The following PPFIBP2 variants were observed in gnomAD, a reference collection of about 807,000 sequenced individuals.
PPFIBP2 encodes the protein liprin-beta-2.
In PPFIBP2, 118 loss-of-function variants were observed where a neutral mutation model predicts 118.3. The observed-to-expected ratio is 1.00, with a 90% confidence interval of 0.86 to 1.16. The LOEUF (loss-of-function observed/expected upper bound fraction) is 1.16, where lower values mean the gene tolerates loss of function less well. Ranked by LOEUF, PPFIBP2 falls within the 50% of genes most tolerant of loss-of-function variation. PPFIBP2 has a pLI of 0.00. For synonymous variants in PPFIBP2, 414 were observed against 397.4 expected (o/e 1.04, Z -0.50); for missense variants, 1,195 against 1,073.1 (o/e 1.11, Z -1.59).
intron 3 of PPFIBP2, among the ~76,000 whole-genome samples, chr11:7,571,012 A>G (rs1855593426): frequency 6.6e-6 from 1 of 152,170 alleles, no homozygotes; most frequent in African/African-American, 2.4e-5. Context: ...GGAACCTCTC[A>G]GTTTACTGCT....
intron 3 of PPFIBP2, among the ~76,000 whole-genome samples, chr11:7,590,687 G>C (rs916651646): frequency 6.6e-6 from 1 of 152,214 alleles, no homozygotes; most frequent in Non-Finnish European, 1.5e-5. Flanking sequence ...AGCACAAGGT[G>C]CTTGCTGTGT....
intron 9 of PPFIBP2, among the ~76,000 whole-genome samples, chr11:7,629,126 C>T (rs1474681852): frequency 1.6e-4 from 24 of 152,032 alleles, no homozygotes; most frequent in Admixed American, 1.6e-3. Context: ...TTGTGTCGCT[C>T]CAGAGGGCAA....
At chr11:7,614,608 G>A (rs907716625) in intron 6 of PPFIBP2, among the ~76,000 whole-genome samples, 1 of 152,164 alleles carries the variant, frequency 6.6e-6, no homozygotes, top group African/African-American at 2.4e-5. Flanking sequence ...AGATATTGAT[G>A]TGGAATTTAT....
chr11:7,597,082 G>C, intron 4 of PPFIBP2: 1 of 1,160,496 alleles, frequency 8.6e-7, no homozygotes, highest in Non-Finnish European at 1.1e-6. Flanking sequence ...TTCCTTAATT[G>C]CATCAAAACA....
chr11:7,531,335 G>T (rs1850660051), intron 1 of PPFIBP2, among the ~76,000 whole-genome samples: 1 of 152,116 alleles, frequency 6.6e-6, no homozygotes, highest in Non-Finnish European at 1.5e-5. Flanking sequence ...AGATAGCTGG[G>T]CCCAGGGCTC....
At chr11:7,516,374 G>C (rs545474805) in intron 1 of PPFIBP2, among the ~76,000 whole-genome samples, 1 of 152,168 alleles carries the variant, frequency 6.6e-6, no homozygotes, top group Non-Finnish European at 1.5e-5. Context: ...ACTAGGGAAT[G>C]GGACAGTCTC....
chr11:7,561,760 A>G (rs562868124), intron 2 of PPFIBP2, among the ~76,000 whole-genome samples: 3 of 152,360 alleles, frequency 2.0e-5, no homozygotes, highest in East Asian at 3.9e-4. Context: ...ACATCATACA[A>G]TAATAAACAT....
At chr11:7,536,260 C>A (rs189810817) in intron 1 of PPFIBP2, among the ~76,000 whole-genome samples, 1 of 152,208 alleles carries the variant, frequency 6.6e-6, no homozygotes, top group East Asian at 1.9e-4. Flanking sequence ...GGAACACAAG[C>A]GGCTGGCTGG....
chr11:7,638,363 C>A (rs185821476), intron 14 of PPFIBP2, among the ~76,000 whole-genome samples: 1 of 152,326 alleles, frequency 6.6e-6, no homozygotes, highest in African/African-American at 2.4e-5. Context: ...GCCTTCCTCT[C>A]TGAAGGTTCT....
rs141181425 is a variant in PPFIBP2, at chr11:7,648,689, G to A, written c.1798-111G>A. ...GCTGCAGGTTGGCATCCCAGGGCAC[G>A]GTGTGGAGATACACTGCCATACTCA... On this transcript the variant is annotated intron_variant, in intron 18 of 23. Coordinates refer to ENST00000299492, the MANE Select transcript of PPFIBP2 (RefSeq NM_003621.5). The A allele has an allele frequency of 7.8e-4, 1,113 of 1,419,660 alleles. 8 individuals carry two copies. The African/African-American group carries it at 0.013, about 17-fold the overall frequency. 87.9% of individuals were successfully genotyped at this position (1,419,660 alleles called of 1,614,324 possible).
chr11:7,568,634 A>G (rs1359355253), intron 3 of PPFIBP2, among the ~76,000 whole-genome samples: 2 of 152,204 alleles, frequency 1.3e-5, no homozygotes, highest in African/African-American at 2.4e-5. Context: ...TCAGAAAAGA[A>G]TGATGATAGA....
At chr11:7,584,018 C>A (rs1857669312) in intron 3 of PPFIBP2, among the ~76,000 whole-genome samples, 1 of 152,230 alleles carries the variant, frequency 6.6e-6, no homozygotes, top group African/African-American at 2.4e-5. Context: ...TTTTGTCTCT[C>A]CTCTATGCCC....
chr11:7,629,660 G>T (rs1037264320), intron 10 of PPFIBP2, 126 bp downstream of exon 10: 11 of 886,868 alleles, frequency 1.2e-5, no homozygotes, highest in Non-Finnish European at 2.0e-5. Context: ...CTGGAGAACA[G>T]AGCTGTTTAG....
At chr11:7,562,081 A>G (rs1430660844) in intron 2 of PPFIBP2, among the ~76,000 whole-genome samples, 7 of 152,194 alleles carry the variant, frequency 4.6e-5, no homozygotes, top group Admixed American at 1.3e-4. Flanking sequence ...ACAGTTCACA[A>G]TAGGGTTCAC....
At chr11:7,623,327 T>G (rs1184445462) in intron 7 of PPFIBP2, among the ~76,000 whole-genome samples, 1 of 152,200 alleles carries the variant, frequency 6.6e-6, no homozygotes, top group African/African-American at 2.4e-5. Flanking sequence ...TCTGCCCAAC[T>G]GCCTGTCTGC....
chr11:7,663,515 G>C, the PPFIBP2 span, among the ~76,000 whole-genome samples: 971 of 152,106 alleles, frequency 6.4e-3, 14 homozygotes, highest in African/African-American at 0.021. Flanking sequence ...TCTCAGATCT[G>C]CAGCTGCGAG....
chr11:7,547,172 G>T (rs1237213230), intron 1 of PPFIBP2, among the ~76,000 whole-genome samples: 2 of 152,262 alleles, frequency 1.3e-5, no homozygotes, highest in Non-Finnish European at 2.9e-5. Flanking sequence ...GGTGCCGGGG[G>T]GCGGTGTGGG....
In PPFIBP2 at chr11:7,651,805, A is replaced by G. The variant is rs1854059432; in HGVS notation, c.2397A>G (p.Ser799=). 6.2e-7 allele frequency: 1 copy of G among 1,613,682 alleles called. No individual in the cohort carries two copies. The highest frequency in any genetic ancestry group is 1.3e-5 in the African/African-American group (1 of 74,904). The change falls in exon 23 of 24, where the codon TCA becomes TCG. Residue 799 remains serine, a synonymous_variant. Transcript: ENST00000299492. The part of the protein sequence containing the change: ...AEQEKREKMA[S]PAYTPLTTTA... ...AGGAGAAGCGAGAGAAAATGGCCTCACCAGCTTACACACCACTGACCACCA... is the reference window on the plus strand; with the variant it reads ...AGGAGAAGCGAGAGAAAATGGCCTCGCCAGCTTACACACCACTGACCACCA...
chr11:7,632,757 C>A, intron 11 of PPFIBP2, 110 bp from the exon 12 acceptor site: 1 of 813,424 alleles, frequency 1.2e-6, no homozygotes, highest in Non-Finnish European at 2.1e-6. Context: ...CATGGCTGCA[C>A]CCAGGGAGGA....
Sources: allele counts gnomAD v4.1 joint callset (sites outside exome capture counted in the v4.1 genomes callset), GRCh38; gene constraint gnomAD v4.1.1; transcripts MANE v1.5; gene names NCBI Gene and HGNC (gene_info 2026-07-23, HGNC 2026-07-21).